BIN1: variants seen among roughly 807,000 people sequenced by gnomAD.
The protein encoded by BIN1 is bridging integrator 1.
A neutral mutation model predicts 82.0 loss-of-function variants in BIN1; 53 were observed. The observed-to-expected ratio is 0.65, with a 90% confidence interval of 0.52 to 0.81. The LOEUF (loss-of-function observed/expected upper bound fraction) is 0.81, where lower values mean the gene tolerates loss of function less well. BIN1 is among the 40% of genes least tolerant of loss of function. BIN1 has a pLI of 0.00. For synonymous variants in BIN1, 302 were observed against 328.0 expected (o/e 0.92, Z 0.86); for missense variants, 642 against 784.4 (o/e 0.82, Z 2.17).
chr2:127,061,202 C>A (rs1573594458), intron 10 of BIN1, among the ~76,000 whole-genome samples: 1 of 146,260 alleles, frequency 6.8e-6, no homozygotes, highest in Admixed American at 6.8e-5. Flanking sequence ...CAACCCCCAC[C>A]CCGCTACCCA....
intron 15 of BIN1, 108 bp downstream of exon 15, chr2:127,052,147 T>A: frequency 8.5e-7 from 1 of 1,173,578 alleles, no homozygotes. Context: ...CACCCTCACA[T>A]CCATGGTGGC....
chr2:127,052,224 A>G lies in BIN1; in HGVS notation c.1371+31T>C, dbSNP rs372848698. The G allele has an allele frequency of 4.5e-6, 7 of 1,548,992 alleles. No homozygotes were observed. In the African/African-American group the frequency reaches 8.2e-5, roughly 18 times the overall value. ...GCTGCACCCCTAGAGACTGGGGACA[A>G]GCCAGACAGGGGCTGGAGGTGGGCA... is the stretch of plus-strand genomic sequence containing the variant. On this transcript the variant is annotated intron_variant, in intron 15 of 18. Transcript: ENST00000316724.
At chr2:127,102,553 C>T (rs1680487685) in intron 1 of BIN1, among the ~76,000 whole-genome samples, 1 of 152,232 alleles carries the variant, frequency 6.6e-6, no homozygotes, top group South Asian at 2.1e-4. Context: ...CCTTCTCCTT[C>T]CCCATGCCCC....
At chr2:127,095,989 G>A (rs1023970653) in intron 1 of BIN1, among the ~76,000 whole-genome samples, 1 of 152,198 alleles carries the variant, frequency 6.6e-6, no homozygotes, top group South Asian at 2.1e-4. Context: ...GTCCCCAGGT[G>A]GGTACACTGA....
chr2:127,083,094 T>C (rs1432383876), intron 1 of BIN1, among the ~76,000 whole-genome samples: 19 of 151,704 alleles, frequency 1.3e-4, no homozygotes, highest in Non-Finnish European at 2.4e-4. Flanking sequence ...TTTTTTTTCT[T>C]TTTTTTTGCT....
intron 7 of BIN1, among the ~76,000 whole-genome samples, chr2:127,065,674 C>T (rs1250565863): frequency 6.6e-6 from 1 of 152,212 alleles, no homozygotes; most frequent in Non-Finnish European, 1.5e-5. Context: ...ACCACCCCCA[C>T]AACTCCCCAG....
intron 12 of BIN1, 120 bp from the exon 13 acceptor site, chr2:127,054,132 G>A (rs941854351): frequency 4.9e-5 from 38 of 781,510 alleles, no homozygotes; most frequent in African/African-American, 1.1e-4. Context: ...CACACACCAC[G>A]CATGCAGAGC....
chr2:127,057,538 C>T lies in BIN1; in HGVS notation c.1066G>A (p.Glu356Lys). 1.3e-6 allele frequency: 2 copies of T among 1,545,548 alleles called. No individual in the cohort carries two copies. The highest frequency in any genetic ancestry group is 1.8e-6 in the Non-Finnish European group (2 of 1,142,682). The change falls in exon 12 of 19, where the codon GAG becomes AAG. Residue 356 changes from glutamate to lysine, a missense_variant. Transcript: ENST00000316724. The surrounding 1 kb of genome is among the most constrained non-coding windows in gnomAD (Gnocchi z 5.0). ...TCCTCAAACAGGCTGAGGATCTGCT[C>T]CTGCTTGACTTCCTTGGACGGGGTG... is the stretch of plus-strand genomic sequence containing the variant. ...KHTPSKEVKQ[E>K]QILSLFEDTF...
chr2:127,078,172 C>T (rs1308939295), intron 1 of BIN1, among the ~76,000 whole-genome samples: 1 of 152,132 alleles, frequency 6.6e-6, no homozygotes, highest in Non-Finnish European at 1.5e-5. Context: ...TCCTGTGCTG[C>T]CCTGCTGCAC....
At position 127,051,134 on chromosome 2, in the gene BIN1, C is replaced by T. The variant is rs2104866729; in HGVS notation, c.1461+20G>A. ...GGGCGGCAGGGAGGAAAAGGCAGGG[C>T]TTTGTCCCTGCTGTCTTACGGAGGC... is the stretch of plus-strand genomic sequence containing the variant. On this transcript the variant is annotated intron_variant, in intron 16 of 18. Transcript: ENST00000316724. 1.2e-6 allele frequency: 2 copies of T among 1,612,420 alleles called. No homozygotes were observed. Among genetic ancestry groups the T allele is most frequent in the Non-Finnish European group, 8.5e-7 (1 of 1,179,270 alleles).
chr2:127,050,664 ATGCCACCT>A, intron 17 of BIN1, 130 bp downstream of exon 17: 1 of 1,319,332 alleles, frequency 7.6e-7, no homozygotes, highest in South Asian at 1.2e-5. Context: ...TGGGGCTCAG[ATGCCACCT>A]TGCTGGCTGG....
Position 127,063,585 on chromosome 2 carries a change from T to C in BIN1, c.760A>G (p.Lys254Glu). 1 of 1,613,954 alleles carries C rather than the reference T, an allele frequency of 6.2e-7. No individual in the cohort carries two copies. The highest frequency in any genetic ancestry group is 1.1e-5 in the South Asian group (1 of 91,028). Residue 254 changes from lysine (K) to glutamate (E), a missense_variant, in exon 9 of 19, where the codon AAG (lysine) becomes GAG (glutamate). Physicochemically the swap from Lys to Glu is moderately conservative, Grantham distance 56. Transcript: ENST00000316724. ...SIAGLEENFH[K>E]EMSKLNQNLN... ...CCATGGCCTACCTTGCTCATCTCCTTGTGGAAGTTTTCCTCCAGGCCCGCG... is the reference window on the plus strand; with the variant it reads ...CCATGGCCTACCTTGCTCATCTCCTCGTGGAAGTTTTCCTCCAGGCCCGCG...
At chr2:127,086,134 T>C (rs905216542) in intron 1 of BIN1, among the ~76,000 whole-genome samples, 3 of 152,346 alleles carry the variant, frequency 2.0e-5, no homozygotes, top group South Asian at 4.1e-4. Flanking sequence ...CCTGAGGTGA[T>C]GACCGTTGGT....
At position 127,051,378 on chromosome 2, in the gene BIN1, G is replaced by A. The variant is rs1040991563; in HGVS notation, c.1372-135C>T. ...CTGGCTGGCAGCAGGGTCTAGAGCT[G>A]CCCAGTGCCTCGAAGAATCCAGGGA... On this transcript the variant is annotated intron_variant, in intron 15 of 18. Coordinates refer to ENST00000316724, the MANE Select transcript of BIN1 (RefSeq NM_139343.3). 37 of 870,048 alleles carry A rather than the reference G, an allele frequency of 4.3e-5. No individual in the cohort carries two copies. The African/African-American group carries it at 5.0e-4, about 12-fold the overall frequency. 53.9% of individuals were successfully genotyped at this position (870,048 alleles called of 1,614,324 possible).
intron 1 of BIN1, among the ~76,000 whole-genome samples, chr2:127,088,320 G>A (rs1002889328): frequency 2.0e-5 from 3 of 152,202 alleles, no homozygotes; most frequent in African/African-American, 7.2e-5. Flanking sequence ...ACTCAGCAAC[G>A]TGCCCTGGTG....
chr2:127,049,149 C>A (rs116839395), intron 18 of BIN1, among the ~76,000 whole-genome samples: 1,877 of 152,314 alleles, frequency 0.012, 22 homozygotes, highest in Middle Eastern at 0.041. Flanking sequence ...AGTGGCTGGG[C>A]CGAGGCTGCC....
At chr2:127,073,616 C>T (rs543191518) in intron 2 of BIN1, among the ~76,000 whole-genome samples, 14 of 152,290 alleles carry the variant, frequency 9.2e-5, no homozygotes, top group Admixed American at 7.2e-4. Context: ...GGCCCTCCTA[C>T]GTGGACCCCC....
chr2:127,091,022 T>C (rs912384935), intron 1 of BIN1, among the ~76,000 whole-genome samples: 5 of 152,194 alleles, frequency 3.3e-5, no homozygotes, highest in African/African-American at 9.7e-5. Flanking sequence ...AGGCTATTCA[T>C]TCCTTAATCA....
At position 127,048,542 on chromosome 2, in the gene BIN1, G is replaced by A. The variant is rs748600944; in HGVS notation, c.1766C>T (p.Thr589Ile). Residue 589 changes from threonine to isoleucine, a missense_variant, in exon 19 of 19, where the codon ACT becomes ATT. By Grantham distance (89) the Thr-to-Ile change is moderately conservative (BLOSUM62 -1). Coordinates refer to ENST00000316724, the MANE Select transcript of BIN1 (RefSeq NM_139343.3). ...KCRGVFPENFTERVP is the reference protein window; with the variant it reads ...KCRGVFPENFIERVP ...GCCCCGCCGTCATGGGACCCTCTCAGTGAAGTTCTCGGGGAAGACGCCACG... is the reference window on the plus strand; with the variant it reads ...GCCCCGCCGTCATGGGACCCTCTCAATGAAGTTCTCGGGGAAGACGCCACG... 1.9e-6 allele frequency: 3 copies of A among 1,613,998 alleles called. No homozygotes were observed. The highest frequency in any genetic ancestry group is 2.5e-6 in the Non-Finnish European group (3 of 1,180,028).
Sources: gnomAD v4.1 joint callset for allele counts (sites outside exome capture counted in the v4.1 genomes callset) on GRCh38, gnomAD v4.1.1 for gene constraint, Gnocchi (gnomAD v3.1) non-coding constraint, MANE v1.5 for transcripts, NCBI Gene and HGNC (gene_info 2026-07-23, HGNC 2026-07-21) for gene names.